Variants in GATAD2B observed in about 807,000 individuals in gnomAD.
The protein encoded by GATAD2B is GATA zinc finger domain containing 2B, also known as transcriptional repressor p66-beta.
GATAD2B carries 8 observed loss-of-function variants against 64.3 expected under a neutral mutation model. That is an observed-to-expected ratio of 0.12 (90% confidence interval 0.07 to 0.22). The LOEUF (loss-of-function observed/expected upper bound fraction) is 0.22, where lower values mean the gene tolerates loss of function less well. Ranked by LOEUF, GATAD2B falls within the 10% of genes least tolerant of loss-of-function variation. The pLI, the probability that GATAD2B is intolerant of heterozygous loss-of-function variation, is 1.00. For synonymous variants in GATAD2B, 281 were observed against 271.3 expected (o/e 1.04, Z -0.35); for missense variants, 453 against 752.0 (o/e 0.60, Z 4.65).
At chr1:153,921,140 T>A (rs1474589502) in intron 1 of GATAD2B, among the ~76,000 whole-genome samples, 2 of 152,188 alleles carry the variant, frequency 1.3e-5, no homozygotes, top group Non-Finnish European at 2.9e-5. Flanking sequence ...AGAATCCAAG[T>A]TATCAGACTG....
intron 5 of GATAD2B, 47 bp from the exon 6 acceptor site, chr1:153,817,589 T>TATTATACACAGC: frequency 1.4e-6 from 2 of 1,384,316 alleles, no homozygotes; most frequent in Non-Finnish European, 1.9e-6. Context: ...TTGTACGCTG[T>TATTATACACAGC]GTATAATACA....
chr1:153,884,884 G>A (rs1677131484), intron 1 of GATAD2B, among the ~76,000 whole-genome samples: 1 of 151,842 alleles, frequency 6.6e-6, no homozygotes, highest in Admixed American at 6.6e-5. Flanking sequence ...AGCCTCCCAA[G>A]CAGCTGGGAT....
intron 1 of GATAD2B, among the ~76,000 whole-genome samples, chr1:153,892,852 G>A (rs995970709): frequency 2.0e-5 from 3 of 151,734 alleles, no homozygotes; most frequent in Non-Finnish European, 2.9e-5. Flanking sequence ...GTGCCACCAC[G>A]CCTGGCTAAT....
At chr1:153,914,051 T>C (rs1300528336) in intron 1 of GATAD2B, among the ~76,000 whole-genome samples, 1 of 151,688 alleles carries the variant, frequency 6.6e-6, no homozygotes, top group African/African-American at 2.4e-5. Context: ...GAGACCAGCC[T>C]GGCCAACACA....
intron 1 of GATAD2B, among the ~76,000 whole-genome samples, chr1:153,846,781 G>A (rs1010154537): frequency 3.3e-5 from 5 of 151,826 alleles, no homozygotes; most frequent in Admixed American, 3.3e-4. Flanking sequence ...GGCTGGTCTC[G>A]AACTTCTGAC....
intron 1 of GATAD2B, among the ~76,000 whole-genome samples, chr1:153,907,907 C>T (rs1336075705): frequency 6.6e-6 from 1 of 152,144 alleles, no homozygotes; most frequent in Non-Finnish European, 1.5e-5. Flanking sequence ...TGGGTTCAAG[C>T]GATTCTTCTG....
chr1:153,814,805 G>A (rs1247740255), intron 7 of GATAD2B, among the ~76,000 whole-genome samples: 2 of 151,598 alleles, frequency 1.3e-5, no homozygotes, highest in African/African-American at 4.8e-5. Flanking sequence ...GTGAAACCCC[G>A]TCTCTAAGAA....
chr1:153,895,077 G>A (rs1677545590), intron 1 of GATAD2B, among the ~76,000 whole-genome samples: 1 of 152,110 alleles, frequency 6.6e-6, no homozygotes, highest in Admixed American at 6.6e-5. Context: ...AGAATCCCTT[G>A]AACCTAGGAG....
intron 1 of GATAD2B, among the ~76,000 whole-genome samples, chr1:153,834,542 C>A (rs1275506754): frequency 6.6e-6 from 1 of 152,030 alleles, no homozygotes; most frequent in Non-Finnish European, 1.5e-5. Context: ...GCATGTGCCA[C>A]CCCAGGCCCA....
chr1:153,826,296 G>C (rs948488964), intron 2 of GATAD2B, among the ~76,000 whole-genome samples: 3 of 152,030 alleles, frequency 2.0e-5, no homozygotes, highest in African/African-American at 7.2e-5. Context: ...TGGGATTACA[G>C]GCGTGAGCCA....
chr1:153,871,905 G>T (rs1273903339), intron 1 of GATAD2B, among the ~76,000 whole-genome samples: 2 of 152,020 alleles, frequency 1.3e-5, no homozygotes, highest in African/African-American at 2.4e-5. Flanking sequence ...AGCTGAGATC[G>T]TGTCACTGCA....
chr1:153,829,214 C>G (rs370716737), intron 1 of GATAD2B, among the ~76,000 whole-genome samples: 1 of 148,160 alleles, frequency 6.7e-6, no homozygotes, highest in South Asian at 2.1e-4. Flanking sequence ...CAGGAAACAA[C>G]AAAAAAAAAA....
In GATAD2B at chr1:153,875,683, G is replaced by GAA. The variant is rs11340415; in HGVS notation, c.-2+47048_-2+47049dup. Among the ~76,000 whole-genome samples the GAA allele has an allele frequency of 5.1e-3, 395 of 78,192 alleles. 2 individuals carry two copies. The highest frequency in any genetic ancestry group is 9.1e-3 in the Middle Eastern group (1 of 110). The allele number at this position is 78,192 out of a possible 152,430, so 51.3% of individuals were successfully genotyped here. On this transcript the variant is annotated intron_variant, in intron 1 of 10. Transcript: ENST00000368655. ...AATAGACCTACCACGAGTTTGGAGG[G>GAA]AAAAAAAAAAAAAAAAAAAAAAGGT...
Position 153,810,270 on chromosome 1 carries a change from G to A in GATAD2B, c.1689C>T (p.His563=). The change falls in exon 11 of 11, where the codon CAC becomes CAT. Residue 563 remains histidine, a synonymous_variant. Coordinates refer to ENST00000368655, the MANE Select transcript of GATAD2B (RefSeq NM_020699.4). ...GTCGGTCTGCCAAACTGGGGCCTTT[G>A]TGTCCTCCGATGCCAGTATTCAAGT... ...IAYLNTGIGG[H]KGPSLADRQR... is the part of the protein sequence containing the mutation. 6.2e-7 allele frequency: 1 copy of A among 1,613,352 alleles called. No homozygotes were observed. Among genetic ancestry groups the A allele is most frequent in the Non-Finnish European group, 8.5e-7 (1 of 1,179,754 alleles).
At chr1:153,828,656 ATCT>A (rs1042065259) in intron 1 of GATAD2B, among the ~76,000 whole-genome samples, 2 of 150,354 alleles carry the variant, frequency 1.3e-5, no homozygotes, top group African/African-American at 5.0e-5. Flanking sequence ...CAGATTGAAA[ATCT>A]TTTTTTTTTT....
intron 1 of GATAD2B, among the ~76,000 whole-genome samples, chr1:153,862,841 C>T (rs900649039): frequency 2.0e-5 from 3 of 151,670 alleles, no homozygotes; most frequent in African/African-American, 7.3e-5. Context: ...TCTCCTGCCT[C>T]AGCCTCCCAA....
At chr1:153,888,688 T>C (rs1019427035) in intron 1 of GATAD2B, among the ~76,000 whole-genome samples, 2 of 152,206 alleles carry the variant, frequency 1.3e-5, no homozygotes, top group African/African-American at 4.8e-5. Flanking sequence ...GTCACGTTTA[T>C]CTCTTTTGCC....
intron 2 of GATAD2B, among the ~76,000 whole-genome samples, chr1:153,822,951 G>C (rs545542549): frequency 1.3e-5 from 2 of 152,184 alleles, no homozygotes; most frequent in African/African-American, 4.8e-5. Flanking sequence ...TGAGTAGCTA[G>C]TTTTTAAATT....
intron 1 of GATAD2B, among the ~76,000 whole-genome samples, chr1:153,862,445 TG>T (rs1342762105): frequency 6.6e-5 from 10 of 152,052 alleles, no homozygotes; most frequent in Non-Finnish European, 1.0e-4. Flanking sequence ...ATATCTTATG[TG>T]ATCCTCATAA....
Sources: allele counts gnomAD v4.1 joint callset (sites outside exome capture counted in the v4.1 genomes callset), GRCh38; gene constraint gnomAD v4.1.1; transcripts MANE v1.5; gene names NCBI Gene and HGNC (gene_info 2026-07-23, HGNC 2026-07-21).